ZNRF3: variants seen among roughly 807,000 people sequenced by gnomAD.
ZNRF3 encodes E3 ubiquitin-protein ligase ZNRF3.
In ZNRF3, 23 loss-of-function variants were observed where a neutral mutation model predicts 72.5. The observed-to-expected ratio is 0.32, with a 90% CI of 0.23 to 0.45. The LOEUF is 0.45. Ranked by LOEUF, ZNRF3 falls within the 20% of genes least tolerant of loss-of-function variation. ZNRF3 has a pLI of 1.00. For synonymous variants in ZNRF3, 610 were observed against 545.3 expected, an observed-to-expected ratio of 1.12 and a Z score of -1.65; for missense variants, 1,169 against 1,272.1, an observed-to-expected ratio of 0.92 and a Z score of 1.23.
At chr22:28,951,763 C>T (rs2035164460) in intron 1 of ZNRF3, among the ~76,000 whole-genome samples, 1 of 152,168 alleles carries the variant, frequency 6.6e-6, no homozygotes, top group Non-Finnish European at 1.5e-5. Context: ...GTGACCTGTG[C>T]GCCTGCCATG....
chr22:28,905,537 CTT>C (rs1484367501), intron 1 of ZNRF3, among the ~76,000 whole-genome samples: 1 of 152,154 alleles, frequency 6.6e-6, no homozygotes, highest in Non-Finnish European at 1.5e-5. Context: ...AAAAAGGAAA[CTT>C]TGTACCAATC....
chr22:28,920,491 G>A lies in ZNRF3; in HGVS notation c.300+36425G>A, dbSNP rs561495690. Among the ~76,000 whole-genome samples, 197 of 152,106 alleles carry A rather than the reference G, an allele frequency of 1.3e-3. 2 individuals carry two copies. The highest frequency in any genetic ancestry group is 4.6e-3 in the African/African-American group (191 of 41,488). Reference sequence around the variant, plus strand: ...TCACCATGTTGGCCAGGCTTGTCTCGAACTCCTGACCTCAAGTGATCCACC... The same window carrying A: ...TCACCATGTTGGCCAGGCTTGTCTCAAACTCCTGACCTCAAGTGATCCACC... On this transcript the variant is annotated intron_variant, in intron 1 of 8. Transcript: ENST00000544604.
At chr22:28,906,052 T>G (rs188441097) in intron 1 of ZNRF3, among the ~76,000 whole-genome samples, 17 of 152,328 alleles carry the variant, frequency 1.1e-4, no homozygotes, top group Admixed American at 1.0e-3. Flanking sequence ...AGGCTAAGCA[T>G]GGTGGCTCAC....
At position 29,054,702 on chromosome 22, in the gene ZNRF3, A is replaced by G. The variant is rs1303348120; in HGVS notation, c.*1080A>G. 6.5e-6 allele frequency: 1 copy of G among 152,734 alleles called. No homozygotes were observed. Among genetic ancestry groups the G allele is most frequent in the Non-Finnish European group, 1.5e-5 (1 of 68,080 alleles). The allele number at this position is 152,734 out of a possible 1,614,324, so 9.5% of individuals were successfully genotyped here. ...GGAGAGTGCTCTCCACTGACCCAGCAGCACACCCATGTGCAGTGCGCCTGC... is the reference window on the plus strand; with the variant it reads ...GGAGAGTGCTCTCCACTGACCCAGCGGCACACCCATGTGCAGTGCGCCTGC... On this transcript the variant is annotated 3_prime_UTR_variant, in exon 9 of 9. Transcript: ENST00000544604.
chr22:29,030,911 G>T lies in ZNRF3; in HGVS notation c.427-11584G>T, dbSNP rs2036736498. Among the ~76,000 whole-genome samples, 1 of 152,186 alleles carries T rather than the reference G, an allele frequency of 6.6e-6. No homozygotes were observed. The highest frequency in any genetic ancestry group is 1.5e-5 in the Non-Finnish European group (1 of 68,038). ...CTTTGATCTCCTGCCAGGGAAACCT[G>T]GAAGGTCAGGCCGGGCTGCAGCCAA... On this transcript the variant is annotated intron_variant, in intron 2 of 8. Coordinates refer to ENST00000544604, the MANE Select transcript of ZNRF3 (RefSeq NM_001206998.2). The surrounding 1 kb of genome is among the most constrained non-coding windows in gnomAD (Gnocchi z 4.2).
At position 29,049,291 on chromosome 22, in the gene ZNRF3, C is replaced by A. The variant is rs1234746741; in HGVS notation, c.1110C>A (p.Gly370=). 6.2e-7 allele frequency: 1 copy of A among 1,614,048 alleles called. No individual in the cohort carries two copies. Among genetic ancestry groups the A allele is most frequent in the Admixed American group, 1.7e-5 (1 of 60,016 alleles). ...TGACCCTGCCGGTGCATTACCCCGG[C>A]CGCGTGCACAGGACCAACGCCATCC... The part of the protein sequence containing the change: ...QRVTLPVHYP[G]RVHRTNAIPA... Residue 370 remains glycine (G), a synonymous_variant, in exon 8 of 9, where the codon GGC becomes GGA. Coordinates refer to ENST00000544604, the MANE Select transcript of ZNRF3 (RefSeq NM_001206998.2). The surrounding 1 kb of genome is among the most constrained non-coding windows in gnomAD (Gnocchi z 5.2).
intron 1 of ZNRF3, among the ~76,000 whole-genome samples, chr22:28,975,110 G>T (rs954263624): frequency 8.5e-5 from 13 of 152,184 alleles, no homozygotes; most frequent in Non-Finnish European, 1.5e-4. Flanking sequence ...ACTACTTGAA[G>T]ATTTCATCAT....
At chr22:28,971,943 A>G (rs1000415463) in intron 1 of ZNRF3, among the ~76,000 whole-genome samples, 1 of 152,110 alleles carries the variant, frequency 6.6e-6, no homozygotes, top group African/African-American at 2.4e-5. Context: ...CCTGGCTTCA[A>G]GTGATCCCCT....
At chr22:29,004,300 C>T (rs1257190663) in intron 2 of ZNRF3, among the ~76,000 whole-genome samples, 1 of 148,962 alleles carries the variant, frequency 6.7e-6, no homozygotes, top group East Asian at 1.9e-4. Context: ...CATATTGCTT[C>T]TTCTTCCTTG....
chr22:28,971,767 G>T (rs1388681746), intron 1 of ZNRF3, among the ~76,000 whole-genome samples: 1 of 152,096 alleles, frequency 6.6e-6, no homozygotes, highest in East Asian at 1.9e-4. Flanking sequence ...GTGCAGTGGC[G>T]CCATGATAGG....
chr22:28,928,461 T>G (rs983816141), intron 1 of ZNRF3, among the ~76,000 whole-genome samples: 2 of 151,912 alleles, frequency 1.3e-5, no homozygotes, highest in Non-Finnish European at 2.9e-5. Context: ...CTTGACATAT[T>G]TAAATTTCTC....
At chr22:29,031,635 A>G (rs2036759642) in intron 2 of ZNRF3, 1 of 985,402 alleles carries the variant, frequency 1.0e-6, no homozygotes, top group Middle Eastern at 5.2e-4. Context: ...GTGAGGAGTA[A>G]GGATTTAAAA....
chr22:28,964,745 A>G (rs1411680536), intron 1 of ZNRF3, among the ~76,000 whole-genome samples: 2 of 152,260 alleles, frequency 1.3e-5, no homozygotes, highest in African/African-American at 2.4e-5. Flanking sequence ...GCTTAGCTAC[A>G]GTCTCAAGTG....
chr22:28,930,098 T>C (rs1198792387), intron 1 of ZNRF3, among the ~76,000 whole-genome samples: 1 of 152,198 alleles, frequency 6.6e-6, no homozygotes, highest in Non-Finnish European at 1.5e-5. Flanking sequence ...ATCTAGAATT[T>C]TGCTTTTTTT....
At position 29,050,416 on chromosome 22, in the gene ZNRF3, G is replaced by A. The variant is rs751803492; in HGVS notation, c.2235G>A (p.Pro745=). The change falls in exon 8 of 9, where the codon CCG becomes CCA. Residue 745 remains proline (P), a synonymous_variant. Transcript: ENST00000544604. ...CCCACCTCTACGAGGGCTCTGGCCC[G>A]GCGGGTGGGGAGCCCCAGTCAGGAA... ...LGPHLYEGSG[P]AGGEPQSGSS... 3.1e-6 allele frequency: 5 copies of A among 1,607,134 alleles called. No individual in the cohort carries two copies. The highest frequency in any genetic ancestry group is 2.2e-5 in the East Asian group (1 of 44,736).
chr22:28,942,131 C>A (rs996661317), intron 1 of ZNRF3, among the ~76,000 whole-genome samples: 4 of 152,174 alleles, frequency 2.6e-5, no homozygotes, highest in Admixed American at 1.3e-4. Context: ...TACCTCTAGC[C>A]CGGTGAACCT....
intron 1 of ZNRF3, among the ~76,000 whole-genome samples, chr22:28,947,018 T>C (rs184980407): frequency 6.6e-6 from 1 of 152,324 alleles, no homozygotes; most frequent in Non-Finnish European, 1.5e-5. Flanking sequence ...AATGTTGGAA[T>C]ATGGGTAAAA....
chr22:29,027,931 G>A (rs969510981), intron 2 of ZNRF3, among the ~76,000 whole-genome samples: 1 of 152,174 alleles, frequency 6.6e-6, no homozygotes, highest in African/African-American at 2.4e-5. Flanking sequence ...CAAACTGACT[G>A]CACCCAGATA....
At chr22:28,926,383 A>G (rs1275770723) in intron 1 of ZNRF3, among the ~76,000 whole-genome samples, 10 of 151,120 alleles carry the variant, frequency 6.6e-5, no homozygotes, top group Non-Finnish European at 1.3e-4. Context: ...GGGTCTCTCT[A>G]TGTTACCTAG....
Sources: allele counts gnomAD v4.1 joint callset (sites outside exome capture counted in the v4.1 genomes callset), GRCh38; gene constraint gnomAD v4.1.1; non-coding constraint Gnocchi (gnomAD v3.1); transcripts MANE v1.5; gene names NCBI Gene and HGNC (gene_info 2026-07-23, HGNC 2026-07-21).